The following FSTL5 variants were observed in gnomAD, a reference collection of about 807,000 sequenced individuals.
FSTL5 encodes the protein follistatin like 5, also known as follistatin-related protein 5.
A neutral mutation model predicts 89.1 loss-of-function variants in FSTL5; 62 were observed. That is an observed-to-expected ratio of 0.70 (90% CI 0.57 to 0.86). The LOEUF (loss-of-function observed/expected upper bound fraction) is 0.86. FSTL5 is among the 40% of genes least tolerant of loss of function. The pLI is 0.00. For synonymous variants in FSTL5, 383 were observed against 346.2 expected (o/e 1.11, Z -1.18); for missense variants, 1,057 against 1,001.6 (o/e 1.06, Z -0.75).
intron 4 of FSTL5, among the ~76,000 whole-genome samples, chr4:161,884,712 A>G (rs1244361800): frequency 6.6e-6 from 1 of 152,200 alleles, no homozygotes; most frequent in Non-Finnish European, 1.5e-5. Flanking sequence ...TTAATTTATA[A>G]CTAATAATTT....
chr4:161,581,480 C>A (rs1452109413), intron 8 of FSTL5, among the ~76,000 whole-genome samples: 2 of 152,172 alleles, frequency 1.3e-5, no homozygotes, highest in Middle Eastern at 3.2e-3. Flanking sequence ...GTTTACCACA[C>A]CCAGTGCAGA....
chr4:161,772,087 A>C (rs1741230467), intron 5 of FSTL5, among the ~76,000 whole-genome samples: 1 of 152,028 alleles, frequency 6.6e-6, no homozygotes, highest in African/African-American at 2.4e-5. Flanking sequence ...TTTTTTTCTC[A>C]AATAGACAGG....
At chr4:161,871,120 T>C (rs547945104) in intron 4 of FSTL5, among the ~76,000 whole-genome samples, 53 of 152,270 alleles carry the variant, frequency 3.5e-4, no homozygotes, top group African/African-American at 1.2e-3. Flanking sequence ...TAATGCACAA[T>C]TGTTTAATTC....
At chr4:162,035,871 A>C (rs1737717740) in intron 2 of FSTL5, among the ~76,000 whole-genome samples, 1 of 152,070 alleles carries the variant, frequency 6.6e-6, no homozygotes, top group Non-Finnish European at 1.5e-5. Context: ...GATACATTAA[A>C]GTTTTGCTGT....
intron 1 of FSTL5, among the ~76,000 whole-genome samples, chr4:162,124,580 T>C (rs1434260213): frequency 6.6e-6 from 1 of 152,150 alleles, no homozygotes; most frequent in Admixed American, 6.5e-5. Flanking sequence ...GTCTCTTTAA[T>C]GAGATAATCT....
intron 2 of FSTL5, among the ~76,000 whole-genome samples, chr4:162,076,846 A>C (rs1298156884): frequency 6.6e-6 from 1 of 151,854 alleles, no homozygotes; most frequent in Non-Finnish European, 1.5e-5. Flanking sequence ...CGCTTGTACA[A>C]TTGAACCATA....
rs200740827 is a variant in FSTL5, at chr4:161,865,798, C to T, written c.409+54606G>A. Among the ~76,000 whole-genome samples the T allele has an allele frequency of 2.7e-5, 4 of 149,546 alleles. No homozygotes were observed. The Admixed American group carries it at 2.7e-4, about 10-fold the overall frequency. Reference sequence around the variant, plus strand: ...TATCTCTAGAATAGCAATAAAAAAACTTTAATTTTCTTTGCTGCCATTGCT... The same window carrying T: ...TATCTCTAGAATAGCAATAAAAAAATTTTAATTTTCTTTGCTGCCATTGCT... On this transcript the variant is annotated intron_variant, in intron 4 of 15. Coordinates refer to ENST00000306100, the MANE Select transcript of FSTL5 (RefSeq NM_020116.5).
chr4:162,072,373 G>A (rs1002523536), intron 2 of FSTL5, among the ~76,000 whole-genome samples: 4 of 151,616 alleles, frequency 2.6e-5, no homozygotes, highest in African/African-American at 9.7e-5. Flanking sequence ...GACTATAAAG[G>A]TGAAATGAAA....
chr4:162,023,147 G>A (rs774189462), intron 3 of FSTL5, among the ~76,000 whole-genome samples: 1 of 152,028 alleles, frequency 6.6e-6, no homozygotes, highest in African/African-American at 2.4e-5. Context: ...ATCTTTTTAG[G>A]TGATTTTCGT....
rs116473957 is a variant in FSTL5 at position 161,913,737 on chromosome 4, G to A, written c.409+6667C>T. ...GGTGTCAAAGGAGATAATTTTGGAT[G>A]TTTGAAATTTGACTGCCCTGCGGGA... On this transcript the variant is annotated intron_variant, in intron 4 of 15. Transcript: ENST00000306100. Among the ~76,000 whole-genome samples the A allele has an allele frequency of 4.7e-3, 709 of 152,254 alleles. 4 individuals are homozygous for A. Among genetic ancestry groups the A allele is most frequent in the African/African-American group, 0.017 (689 of 41,546 alleles).
chr4:161,441,323 T>C (rs1402514311), intron 15 of FSTL5, among the ~76,000 whole-genome samples: 3 of 150,042 alleles, frequency 2.0e-5, no homozygotes, highest in African/African-American at 2.5e-5. Flanking sequence ...TCTTGAGCTT[T>C]ATAAATTACT....
chr4:161,455,570 G>A (rs1553987975), intron 14 of FSTL5, among the ~76,000 whole-genome samples: 1 of 151,960 alleles, frequency 6.6e-6, no homozygotes, highest in Non-Finnish European at 1.5e-5. Flanking sequence ...TTAAAATCTT[G>A]GAATACATAA....
intron 4 of FSTL5, among the ~76,000 whole-genome samples, chr4:161,873,831 C>A (rs1324721407): frequency 6.6e-6 from 1 of 151,228 alleles, no homozygotes; most frequent in Non-Finnish European, 1.5e-5. Flanking sequence ...TTTTGTTGTT[C>A]ACCACTTTTT....
rs537663216 is a variant in FSTL5, at chr4:161,933,323, G to A, written c.161-12671C>T. 2.0e-3 allele frequency among the ~76,000 whole-genome samples: 304 copies of A among 151,972 alleles called. 1 individual carries two copies. Among genetic ancestry groups the A allele is most frequent in the African/African-American group, 6.9e-3 (287 of 41,472 alleles). ...GTGACTGTCCTTGTTTCTTTCCTCT[G>A]CCCACCTTCTCAATTCTGGCTCATG... On this transcript the variant is annotated intron_variant, in intron 3 of 15. Transcript: ENST00000306100.
At chr4:161,495,504 G>A (rs1014378701) in intron 12 of FSTL5, 7 of 151,918 alleles carry the variant, frequency 4.6e-5, no homozygotes, top group East Asian at 3.9e-4. Flanking sequence ...AGAAATAATC[G>A]TATCTAGTAA....
chr4:161,410,129 T>A (rs945742591), intron 15 of FSTL5, among the ~76,000 whole-genome samples: 1 of 149,862 alleles, frequency 6.7e-6, no homozygotes, highest in African/African-American at 2.5e-5. Context: ...AAATTAAGAA[T>A]AATAATGAAG....
chr4:161,927,863 A>C (rs143673222), intron 3 of FSTL5, among the ~76,000 whole-genome samples: 13 of 151,722 alleles, frequency 8.6e-5, no homozygotes, highest in Non-Finnish European at 1.6e-4. Flanking sequence ...ACTGTTTTTT[A>C]GAGCAATATA....
chr4:161,950,550 G>C (rs1295990512), intron 3 of FSTL5, among the ~76,000 whole-genome samples: 1 of 152,128 alleles, frequency 6.6e-6, no homozygotes, highest in Admixed American at 6.6e-5. Context: ...ATCTGCTGTG[G>C]CACAGCCTGT....
intron 15 of FSTL5, among the ~76,000 whole-genome samples, chr4:161,394,399 C>T (rs1730930720): frequency 6.6e-6 from 1 of 152,120 alleles, no homozygotes; most frequent in African/African-American, 2.4e-5. Flanking sequence ...CCTCAGCCTC[C>T]CAAATAGCTG....
Sources: allele counts gnomAD v4.1 joint callset (sites outside exome capture counted in the v4.1 genomes callset), GRCh38; gene constraint gnomAD v4.1.1; transcripts MANE v1.5; gene names NCBI Gene and HGNC (gene_info 2026-07-23, HGNC 2026-07-21).